AKR1A1: variants seen among roughly 807,000 people sequenced by gnomAD.
AKR1A1 encodes HEL-S-165mP.
A neutral mutation model predicts 39.2 loss-of-function variants in AKR1A1; 26 were observed. The ratio of observed to expected loss-of-function variants is 0.66; its 90% CI spans 0.49 to 0.92. AKR1A1 has a LOEUF of 0.92. AKR1A1 is among the 40% of genes least tolerant of loss of function. AKR1A1 has a pLI of 0.00. For missense variants in AKR1A1, 378 were observed against 406.5 expected (o/e 0.93, Z 0.60); for synonymous variants, 141 against 155.5 (o/e 0.91, Z 0.69).
At chr1:45,555,758 C>T (rs2148290873) in intron 1 of AKR1A1, among the ~76,000 whole-genome samples, 1 of 152,264 alleles carries the variant, frequency 6.6e-6, no homozygotes, top group South Asian at 2.1e-4. Flanking sequence ...GATATAGTAT[C>T]TCTTGAAAAT....
intron 2 of AKR1A1, 69 bp from the exon 3 acceptor site, chr1:45,566,500 A>G: frequency 6.3e-7 from 1 of 1,596,988 alleles, no homozygotes; most frequent in Non-Finnish European, 8.5e-7. Flanking sequence ...CCCAGCATTG[A>G]CCTTGGGGTG....
rs1404221357 is a variant in AKR1A1, at chr1:45,567,003, C to T, written c.339C>T (p.His113=). 6.2e-7 allele frequency: 1 copy of T among 1,614,164 alleles called. No individual in the cohort carries two copies. Among genetic ancestry groups the T allele is most frequent in the African/African-American group, 1.3e-5 (1 of 75,062 alleles). The part of the protein sequence containing the change: ...QLEYLDLYLM[H]WPYAFERGDN... ...AGTATCTGGACCTGTACCTGATGCA[C>T]TGGCCTTATGCCTTTGAGTGAGCCT... The change falls in exon 4 of 9, where the codon CAC becomes CAT. Residue 113 remains histidine (H), a synonymous_variant. Transcript: ENST00000351829.
chr1:45,554,405 A>T (rs1186442040), intron 1 of AKR1A1, among the ~76,000 whole-genome samples: 2 of 151,912 alleles, frequency 1.3e-5, no homozygotes, highest in East Asian at 3.9e-4. Flanking sequence ...TCCAGCCTGG[A>T]CGTTAGAGCG....
chr1:45,559,189 A>G (rs1260210656), intron 1 of AKR1A1, among the ~76,000 whole-genome samples: 5 of 152,228 alleles, frequency 3.3e-5, no homozygotes, highest in Non-Finnish European at 1.5e-5. Flanking sequence ...TTCCCATTAC[A>G]AGACCATAAA....
At chr1:45,565,870 C>T (rs1255019339) in intron 2 of AKR1A1, among the ~76,000 whole-genome samples, 1 of 151,952 alleles carries the variant, frequency 6.6e-6, no homozygotes, top group African/African-American at 2.4e-5. Context: ...CCATGTCAGC[C>T]TCCCAGAGTC....
intron 1 of AKR1A1, among the ~76,000 whole-genome samples, 168 bp downstream of exon 1, chr1:45,551,323 A>G (rs1238328829): frequency 5.3e-5 from 8 of 152,170 alleles, no homozygotes; most frequent in African/African-American, 1.9e-4. Context: ...ATCTCTTGCT[A>G]ACTTCCCAGT....
intron 1 of AKR1A1, among the ~76,000 whole-genome samples, chr1:45,554,484 A>G (rs1379887332): frequency 6.6e-6 from 1 of 151,486 alleles, no homozygotes; most frequent in Non-Finnish European, 1.5e-5. Flanking sequence ...AGTCCCAGCT[A>G]CTCGGGATTG....
At chr1:45,557,430 TCTC>T (rs1557630369) in intron 1 of AKR1A1, among the ~76,000 whole-genome samples, 1 of 152,146 alleles carries the variant, frequency 6.6e-6, no homozygotes, top group Non-Finnish European at 1.5e-5. Context: ...TCTTTGCAGA[TCTC>T]CTCCATCTTT....
Position 45,568,953 on chromosome 1 carries a change from G to C in AKR1A1, c.779G>C (p.Cys260Ser). 1.2e-6 allele frequency: 2 copies of C among 1,614,184 alleles called. No homozygotes were observed. The highest frequency in any genetic ancestry group is 1.7e-6 in the Non-Finnish European group (2 of 1,180,032). Residue 260 changes from cysteine to serine, a missense_variant, in exon 7 of 9, where the codon TGC becomes TCC. Physicochemically the swap from Cys to Ser is moderately radical, Grantham distance 112 (BLOSUM62 -1). Transcript: ENST00000351829. The part of the protein sequence containing the change: ...LRWQVQRKVI[C>S]IPKSITPSRI... ...TGGCAGGTCCAGCGGAAAGTGATCT[G>C]CATCCCCAAAAGTATCACTCCTTCT...
chr1:45,560,158 T>C (rs1043261053), intron 1 of AKR1A1, among the ~76,000 whole-genome samples: 3 of 152,122 alleles, frequency 2.0e-5, no homozygotes, highest in Non-Finnish European at 4.4e-5. Context: ...CTAATTTTTG[T>C]ATTTTTTGGT....
chr1:45,557,121 T>G (rs1015258334), intron 1 of AKR1A1, among the ~76,000 whole-genome samples: 11 of 151,584 alleles, frequency 7.3e-5, no homozygotes, highest in Non-Finnish European at 1.0e-4. Context: ...ACCCAGGAGG[T>G]GGAGGTTGCA....
In AKR1A1 at chr1:45,570,026, T is replaced by C. The variant is rs1644394649; in HGVS notation, c.*70T>C. The C allele has an allele frequency of 6.9e-7, 1 of 1,456,306 alleles. No homozygotes were observed. The highest frequency in any genetic ancestry group is 9.6e-7 in the Non-Finnish European group (1 of 1,036,798). 90.2% of individuals were successfully genotyped at this position (1,456,306 alleles called of 1,614,324 possible). A position where few individuals can be genotyped will look rare whatever the true frequency, so the allele number is the denominator to read the frequency against. On this transcript the variant is annotated 3_prime_UTR_variant, in exon 9 of 9. Transcript: ENST00000351829. ...GTCCTGCCACAACGGAAAGAGGGAG[T>C]TAATAAAGCCATTGGAGCATCCATA...
intron 5 of AKR1A1, 63 bp downstream of exon 5, chr1:45,568,240 C>T (rs907604063): frequency 2.6e-5 from 39 of 1,511,864 alleles, no homozygotes; most frequent in Non-Finnish European, 2.4e-5. Flanking sequence ...AGGGAGCAGA[C>T]GATGGATCTG....
At chr1:45,569,090 C>T (rs1644382720) in intron 7 of AKR1A1, 53 bp from the exon 8 acceptor site, 2 of 1,600,676 alleles carry the variant, frequency 1.2e-6, no homozygotes, top group African/African-American at 2.7e-5. Flanking sequence ...GTTGTGGAAC[C>T]CCAGCTTCTG....
At chr1:45,568,411 G>C in intron 5 of AKR1A1, 74 bp from the exon 6 acceptor site, 1 of 1,531,412 alleles carries the variant, frequency 6.5e-7, no homozygotes, top group Non-Finnish European at 9.0e-7. Flanking sequence ...GGGTGGTCCA[G>C]ACATGCATGT....
chr1:45,559,603 T>C (rs1644250508), intron 1 of AKR1A1, among the ~76,000 whole-genome samples: 1 of 151,722 alleles, frequency 6.6e-6, no homozygotes, highest in African/African-American at 2.4e-5. Flanking sequence ...CTTAGATCCT[T>C]GGTTTTGCCA....
At chr1:45,569,376 C>G in intron 8 of AKR1A1, 147 bp downstream of exon 8, 1 of 689,198 alleles carries the variant, frequency 1.5e-6, no homozygotes, top group Non-Finnish European at 2.6e-6. Context: ...CCTCATTTCT[C>G]TTTATTGAGC....
At position 45,568,031 on chromosome 1, in the gene AKR1A1, G is replaced by T. The variant is rs148607559; in HGVS notation, c.406G>T (p.Asp136Tyr). 1 of 1,613,906 alleles carries T rather than the reference G, an allele frequency of 6.2e-7. No individual in the cohort carries two copies. The highest frequency in any genetic ancestry group is 8.5e-7 in the Non-Finnish European group (1 of 1,179,996). The change falls in exon 5 of 9, where the codon GAC (aspartate) becomes TAC (tyrosine). Residue 136 changes from aspartate to tyrosine, a missense_variant. Physicochemically the swap from Asp to Tyr is radical, Grantham distance 160. Transcript: ENST00000351829. The stretch of plus-strand genomic sequence containing the variant: ...GAATGCTGATGGGACTATATGCTAC[G>T]ACTCCACCCACTACAAGGAGACTTG... Reference protein sequence around the residue: ...PKNADGTICYDSTHYKETWKA... With the variant: ...PKNADGTICYYSTHYKETWKA...
chr1:45,566,480 GC>G (rs1282064307), intron 2 of AKR1A1, 88 bp from the exon 3 acceptor site: 2 of 1,558,186 alleles, frequency 1.3e-6, no homozygotes, highest in Non-Finnish European at 8.7e-7. Flanking sequence ...ATATTTCTGA[GC>G]CCCCTTCCCC....
Sources: gnomAD v4.1 joint callset for allele counts (sites outside exome capture counted in the v4.1 genomes callset) on GRCh38, gnomAD v4.1.1 for gene constraint, MANE v1.5 for transcripts, NCBI Gene and HGNC (gene_info 2026-07-23, HGNC 2026-07-21) for gene names.